Variants in TGIF2 observed in about 807,000 individuals in gnomAD.
TGIF2 encodes the protein homeobox protein TGIF2.
In TGIF2, 5 loss-of-function variants were observed where a neutral mutation model predicts 15.1. The ratio of observed to expected loss-of-function variants is 0.33; its 90% CI spans 0.17 to 0.70. The LOEUF is 0.70. Among genes scored for constraint, TGIF2 ranks in the 30% least tolerant of loss-of-function variants. The probability of loss-of-function intolerance (pLI) is 0.67; values close to 1 mark genes in which losing one functional copy is unlikely to be tolerated. For missense variants in TGIF2, 264 were observed against 302.5 expected (o/e 0.87, Z 0.94); for synonymous variants, 131 against 128.9 (o/e 1.02, Z -0.11).
At chr20:36,588,355 CTTTTTTTTTT>C (rs397802665) in intron 2 of TGIF2, among the ~76,000 whole-genome samples, 26 of 60,434 alleles carry the variant, frequency 4.3e-4, no homozygotes, top group East Asian at 1.6e-3. Context: ...GCCCTTCCTT[CTTTTTTTTTT>C]TTTTTTTTTT....
At chr20:36,573,483 G>C (rs1376434475), upstream of TGIF2, 1 of 150,064 alleles carries the variant, frequency 6.7e-6, no homozygotes, top group Admixed American at 6.6e-5. Context: ...CCGACGGCCC[G>C]CCCCGCGGGG....
At chr20:36,580,667 G>A (rs935681505) in intron 2 of TGIF2, among the ~76,000 whole-genome samples, 30 of 151,276 alleles carry the variant, frequency 2.0e-4, no homozygotes, top group Non-Finnish European at 3.2e-4. Flanking sequence ...AAAATTAGCT[G>A]GGCATGGTGG....
chr20:36,588,930 C>G (rs1416398787), intron 2 of TGIF2, among the ~76,000 whole-genome samples: 1 of 152,210 alleles, frequency 6.6e-6, no homozygotes, highest in Non-Finnish European at 1.5e-5. Context: ...CACCTCTGAG[C>G]TCATCAGCTA....
intron 2 of TGIF2, among the ~76,000 whole-genome samples, chr20:36,580,836 AAAAC>A (rs2038531072): frequency 6.7e-6 from 1 of 149,322 alleles, no homozygotes; most frequent in Non-Finnish European, 1.5e-5. Context: ...AAAAAAAAAA[AAAAC>A]AAGGCCAGGC....
chr20:36,580,705 G>A (rs1233115781), intron 2 of TGIF2, among the ~76,000 whole-genome samples: 3 of 151,412 alleles, frequency 2.0e-5, no homozygotes, highest in African/African-American at 7.3e-5. Flanking sequence ...AGCTACTTGG[G>A]GGGCTGAAGT....
chr20:36,582,829 T>A (rs1170153667), intron 2 of TGIF2, among the ~76,000 whole-genome samples: 1 of 152,246 alleles, frequency 6.6e-6, no homozygotes, highest in Non-Finnish European at 1.5e-5. Flanking sequence ...ACCTGTCTGG[T>A]AACTCCTCCC....
At chr20:36,582,622 C>T (rs142528335) in intron 2 of TGIF2, among the ~76,000 whole-genome samples, 2,000 of 152,320 alleles carry the variant, frequency 0.013, 21 homozygotes, top group Middle Eastern at 0.048. Context: ...AACTGGCGAA[C>T]CCCTCAAGGT....
intron 2 of TGIF2, among the ~76,000 whole-genome samples, chr20:36,587,496 AG>A (rs1170167182): frequency 6.6e-6 from 1 of 152,018 alleles, no homozygotes; most frequent in Non-Finnish European, 1.5e-5. Flanking sequence ...GGAGAGGGGC[AG>A]TGTACTCCTG....
chr20:36,587,711 GATC>G (rs920525661), intron 2 of TGIF2, among the ~76,000 whole-genome samples: 3 of 152,148 alleles, frequency 2.0e-5, no homozygotes, highest in African/African-American at 7.2e-5. Flanking sequence ...CTTCAAGGGA[GATC>G]ATCATATAAC....
chr20:36,576,039 C>T (rs539434885), intron 1 of TGIF2, among the ~76,000 whole-genome samples: 1 of 151,790 alleles, frequency 6.6e-6, no homozygotes, highest in Admixed American at 6.5e-5. Flanking sequence ...TTGCAGTGAG[C>T]CAAGATTGCG....
In TGIF2 at chr20:36,578,751, G is replaced by C. The variant is rs771013848; in HGVS notation, c.-24G>C. 2 of 1,588,528 alleles carry C rather than the reference G, an allele frequency of 1.3e-6. No homozygotes were observed. The highest frequency in any genetic ancestry group is 1.7e-6 in the Non-Finnish European group (2 of 1,166,856). On this transcript the variant is annotated 5_prime_UTR_variant, in exon 2 of 3. Coordinates refer to ENST00000373872, the MANE Select transcript of TGIF2 (RefSeq NM_021809.7). ...TGTCCCTTGTCCCAGGTTTACCCAAGGTCCAGCCTAGCCCCTAGGCACCAT... is the reference window on the plus strand; with the variant it reads ...TGTCCCTTGTCCCAGGTTTACCCAACGTCCAGCCTAGCCCCTAGGCACCAT...
intron 2 of TGIF2, among the ~76,000 whole-genome samples, chr20:36,587,575 C>T (rs116384504): frequency 0.025 from 3,765 of 152,188 alleles, 157 homozygotes; most frequent in African/African-American, 0.086. Context: ...TGCTCCTGTG[C>T]AAGGAAGACT....
Position 36,581,632 on chromosome 20 carries a change from C to CTGTGTG in TGIF2, c.192+2677_192+2682dup, listed in dbSNP as rs11472732. Among the ~76,000 whole-genome samples the CTGTGTG allele has an allele frequency of 2.0e-5, 3 of 150,524 alleles. No individual in the cohort carries two copies. The East Asian group carries it at 5.9e-4, about 30-fold the overall frequency. Reference sequence around the variant, plus strand: ...ATACTAACTCCTTTTATTTATTTATCTGTGTGTGTGTGTGTGATGGAGTCT... The same window carrying CTGTGTG: ...ATACTAACTCCTTTTATTTATTTATCTGTGTGTGTGTGTGTGTGTGTGATGGAGTCT... On this transcript the variant is annotated intron_variant, in intron 2 of 2. Transcript: ENST00000373872.
chr20:36,585,483 A>AC (rs2038638028), intron 2 of TGIF2, among the ~76,000 whole-genome samples: 1 of 150,908 alleles, frequency 6.6e-6, no homozygotes, highest in Non-Finnish European at 1.5e-5. Flanking sequence ...AAAAAAAAAA[A>AC]AAAAACTCCA....
At chr20:36,585,962 A>G (rs1404896083) in intron 2 of TGIF2, among the ~76,000 whole-genome samples, 1 of 152,192 alleles carries the variant, frequency 6.6e-6, no homozygotes, top group East Asian at 1.9e-4. Context: ...AAGCCTTCCC[A>G]AAGCCCATAC....
intron 1 of TGIF2, among the ~76,000 whole-genome samples, chr20:36,576,137 C>T (rs555388414): frequency 1.3e-5 from 2 of 152,132 alleles, no homozygotes; most frequent in South Asian, 2.1e-4. Flanking sequence ...CTTTGTTGCA[C>T]GTGTGAAACA....
At position 36,591,395 on chromosome 20, in the gene TGIF2, C is replaced by G. The variant is rs2038767555; in HGVS notation, c.678C>G (p.His226Gln). The change falls in exon 3 of 3, where the codon CAC becomes CAG. Residue 226 changes from histidine (H) to glutamine (Q), a missense_variant. His to Gln is a conservative substitution (Grantham distance 24, BLOSUM62 0). Coordinates refer to ENST00000373872, the MANE Select transcript of TGIF2 (RefSeq NM_021809.7). This position sits in a 1 kb window ranked among gnomAD's most constrained non-coding sequence, Gnocchi z 5.3. ...AGGACCCATCACTCCCATTACTGCA[C>G]ACTCCCATCCCTTTAGTCTCTGAAA... ...KQQDPSLPLL[H>Q]TPIPLVSENP... 1.9e-6 allele frequency: 3 copies of G among 1,612,858 alleles called. No homozygotes were observed. In the African/African-American group the frequency reaches 4.0e-5, roughly 22 times the overall value.
At chr20:36,586,822 G>A (rs2038670089) in intron 2 of TGIF2, among the ~76,000 whole-genome samples, 2 of 151,990 alleles carry the variant, frequency 1.3e-5, no homozygotes, top group Admixed American at 6.6e-5. Flanking sequence ...GCGCCTCAGT[G>A]CCTTTGCTTC....
intron 2 of TGIF2, among the ~76,000 whole-genome samples, chr20:36,585,217 G>C (rs913234318): frequency 6.6e-6 from 1 of 150,628 alleles, no homozygotes; most frequent in Admixed American, 6.6e-5. Context: ...AGAGAAAAAA[G>C]CTAGGCACAG....
Sources: allele counts gnomAD v4.1 joint callset (sites outside exome capture counted in the v4.1 genomes callset), GRCh38; gene constraint gnomAD v4.1.1; non-coding constraint Gnocchi (gnomAD v3.1); transcripts MANE v1.5; gene names NCBI Gene and HGNC (gene_info 2026-07-23, HGNC 2026-07-21).